The following CCSER1 variants were observed in gnomAD, a reference collection of about 807,000 sequenced individuals.
The protein encoded by CCSER1 is coiled-coil serine rich protein 1, also known as serine-rich coiled-coil domain-containing protein 1.
A neutral mutation model predicts 82.0 loss-of-function variants in CCSER1; 41 were observed. The ratio of observed to expected loss-of-function variants is 0.50; its 90% CI spans 0.39 to 0.65. The LOEUF is 0.65. CCSER1 is among the 30% of genes least tolerant of loss of function. The probability of loss-of-function intolerance (pLI) is 0.00; values close to 1 mark genes in which losing one functional copy is unlikely to be tolerated. For synonymous variants in CCSER1, 414 were observed against 383.9 expected (o/e 1.08, Z -0.92); for missense variants, 1,119 against 1,064.2 (o/e 1.05, Z -0.72).
chr4:90,940,618 T>C (rs1247789186), intron 9 of CCSER1, among the ~76,000 whole-genome samples: 1 of 152,080 alleles, frequency 6.6e-6, no homozygotes, highest in East Asian at 1.9e-4. Context: ...TGTAAAAAAA[T>C]TATGGTTGAT....
At chr4:91,247,913 G>GAACCCA (rs1343223699) in intron 10 of CCSER1, among the ~76,000 whole-genome samples, 2 of 151,890 alleles carry the variant, frequency 1.3e-5, no homozygotes, top group African/African-American at 4.8e-5. Context: ...CAAAAAACAC[G>GAACCCA]AACCGGGACT....
intron 10 of CCSER1, among the ~76,000 whole-genome samples, chr4:91,289,739 C>T (rs1364305862): frequency 6.6e-6 from 1 of 151,828 alleles, no homozygotes; most frequent in African/African-American, 2.4e-5. Flanking sequence ...AATATCAAGT[C>T]ATCTAATTTA....
At chr4:91,493,087 G>A (rs1219268273) in intron 10 of CCSER1, among the ~76,000 whole-genome samples, 3 of 151,900 alleles carry the variant, frequency 2.0e-5, no homozygotes, top group Admixed American at 6.6e-5. Context: ...TATAGTTTGT[G>A]TGCAAGATAA....
In CCSER1 at chr4:90,308,929, G is replaced by T; in HGVS notation, c.645G>T (p.Gln215His). 6.2e-7 allele frequency: 1 copy of T among 1,613,850 alleles called. No individual in the cohort carries two copies. The highest frequency in any genetic ancestry group is 2.2e-5 in the East Asian group (1 of 44,870). ...CTGAATTCTCATTGGAAGTTACACAGTACCAAGAGAGAGAACCTGTATTAG... is the reference window on the plus strand; with the variant it reads ...CTGAATTCTCATTGGAAGTTACACATTACCAAGAGAGAGAACCTGTATTAG... Reference protein sequence around the residue: ...QQSEFSLEVTQYQEREPVLVR... With the variant: ...QQSEFSLEVTHYQEREPVLVR... Residue 215 changes from glutamine to histidine, a missense_variant, in exon 2 of 11, where the codon CAG (glutamine) becomes CAT (histidine). By Grantham distance (24) the Gln-to-His change is conservative. Coordinates refer to ENST00000509176, the MANE Select transcript of CCSER1 (RefSeq NM_001145065.2).
At chr4:90,657,493 C>T (rs1390109176) in intron 6 of CCSER1, among the ~76,000 whole-genome samples, 1 of 152,094 alleles carries the variant, frequency 6.6e-6, no homozygotes, top group African/African-American at 2.4e-5. Context: ...TTTTTTACTT[C>T]TGGGACTCCA....
chr4:91,405,728 G>A (rs533886594), intron 10 of CCSER1, among the ~76,000 whole-genome samples: 27 of 152,256 alleles, frequency 1.8e-4, no homozygotes, highest in African/African-American at 6.3e-4. Context: ...CGTTGGAAAA[G>A]CACAGTATTA....
At chr4:90,504,650 C>A (rs79779987) in intron 5 of CCSER1, among the ~76,000 whole-genome samples, 1,781 of 152,238 alleles carry the variant, frequency 0.012, 13 homozygotes, top group South Asian at 0.022. Context: ...AGTTATTTTC[C>A]TCTCAAATTC....
intron 5 of CCSER1, among the ~76,000 whole-genome samples, chr4:90,530,510 G>C (rs1774372344): frequency 6.6e-6 from 1 of 152,122 alleles, no homozygotes; most frequent in Non-Finnish European, 1.5e-5. Context: ...CACGTGCAAG[G>C]GACTTTGGGG....
intron 6 of CCSER1, among the ~76,000 whole-genome samples, chr4:90,669,126 A>T (rs1732330405): frequency 6.6e-6 from 1 of 152,066 alleles, no homozygotes; most frequent in African/African-American, 2.4e-5. Flanking sequence ...AGTGAACTCC[A>T]ATAATGAATA....
rs111611956 is a variant in CCSER1 at position 91,437,923 on chromosome 4, G to C, written c.2218-160649G>C. Among the ~76,000 whole-genome samples, 9 of 152,306 alleles carry C rather than the reference G, an allele frequency of 5.9e-5. 1 individual carries two copies. The highest frequency in any genetic ancestry group is 2.2e-4 in the African/African-American group (9 of 41,578). On this transcript the variant is annotated intron_variant, in intron 10 of 10. Coordinates refer to ENST00000509176, the MANE Select transcript of CCSER1 (RefSeq NM_001145065.2). ...CAAACTGCAAGGCAGCAGCGAGGCA[G>C]GGGGAGGGGCGCCCGCCATTGCCCA...
intron 4 of CCSER1, among the ~76,000 whole-genome samples, chr4:90,437,032 A>C (rs938594646): frequency 6.6e-6 from 1 of 152,102 alleles, no homozygotes; most frequent in African/African-American, 2.4e-5. Flanking sequence ...CGTGTTAGCC[A>C]GGATGGTCTC....
intron 10 of CCSER1, among the ~76,000 whole-genome samples, chr4:91,102,033 TGG>T (rs137925704): frequency 0.33 from 50,168 of 151,950 alleles, 8,806 homozygotes; most frequent in East Asian, 0.45. Context: ...GACCCCTGAA[TGG>T]GGGAGACTTA....
chr4:91,558,949 A>G (rs906330032), intron 10 of CCSER1, among the ~76,000 whole-genome samples: 4 of 151,554 alleles, frequency 2.6e-5, no homozygotes, highest in African/African-American at 9.7e-5. Flanking sequence ...CTCATCAGCT[A>G]TGGGGAGATT....
chr4:90,700,376 T>C (rs1333979518), intron 6 of CCSER1, among the ~76,000 whole-genome samples: 2 of 152,210 alleles, frequency 1.3e-5, no homozygotes, highest in Non-Finnish European at 2.9e-5. Flanking sequence ...ATTTTCTTAA[T>C]TCAGTCTATC....
At chr4:91,247,607 G>C (rs1474300685) in intron 10 of CCSER1, among the ~76,000 whole-genome samples, 1 of 152,066 alleles carries the variant, frequency 6.6e-6, no homozygotes, top group Non-Finnish European at 1.5e-5. Flanking sequence ...GGTGGCTCAT[G>C]CCTGTAATCC....
chr4:91,165,521 G>T (rs1332818879), intron 10 of CCSER1, among the ~76,000 whole-genome samples: 1 of 152,192 alleles, frequency 6.6e-6, no homozygotes. Flanking sequence ...GTTCAGCCAT[G>T]CCCTGCTCCC....
intron 10 of CCSER1, among the ~76,000 whole-genome samples, chr4:91,501,733 T>C (rs1286559840): frequency 6.6e-6 from 1 of 152,144 alleles, no homozygotes; most frequent in Non-Finnish European, 1.5e-5. Context: ...TTGTGTTAGA[T>C]AACAACATCA....
At chr4:90,664,849 G>A (rs940220958) in intron 6 of CCSER1, among the ~76,000 whole-genome samples, 12 of 151,320 alleles carry the variant, frequency 7.9e-5, no homozygotes, top group African/African-American at 2.9e-4. Flanking sequence ...GTGGTGAGCC[G>A]AGATCACACC....
At chr4:90,856,146 A>G (rs1420094857) in intron 8 of CCSER1, among the ~76,000 whole-genome samples, 2 of 152,060 alleles carry the variant, frequency 1.3e-5, no homozygotes, top group Non-Finnish European at 2.9e-5. Context: ...TCCTTCTCCA[A>G]TGCTAATTAT....
Sources: gnomAD v4.1 joint callset for allele counts (sites outside exome capture counted in the v4.1 genomes callset) on GRCh38, gnomAD v4.1.1 for gene constraint, MANE v1.5 for transcripts, NCBI Gene and HGNC (gene_info 2026-07-23, HGNC 2026-07-21) for gene names.